DLG2: variants seen among roughly 807,000 people sequenced by gnomAD.
The protein encoded by DLG2 is disks large homolog 2.
In DLG2, 45 loss-of-function variants were observed where a neutral mutation model predicts 132.5. That is an observed-to-expected ratio of 0.34 (90% CI 0.27 to 0.44). The LOEUF (loss-of-function observed/expected upper bound fraction) is 0.44. DLG2 is among the 20% of genes least tolerant of loss of function. The probability of loss-of-function intolerance (pLI) is 1.00; values close to 1 mark genes in which losing one functional copy is unlikely to be tolerated. For missense variants in DLG2, 1,045 were observed against 1,196.9 expected, an observed-to-expected ratio of 0.87 and a Z score of 1.87; for synonymous variants, 424 against 419.6, an observed-to-expected ratio of 1.01 and a Z score of -0.13.
At chr11:83,700,831 T>C (rs1566600235) in intron 18 of DLG2, among the ~76,000 whole-genome samples, 1 of 152,276 alleles carries the variant, frequency 6.6e-6, no homozygotes, top group East Asian at 1.9e-4. Context: ...GAAAATTTAA[T>C]AATCAGATAC....
At chr11:85,179,202 T>C (rs564482783) in intron 4 of DLG2, among the ~76,000 whole-genome samples, 2 of 152,000 alleles carry the variant, frequency 1.3e-5, no homozygotes, top group South Asian at 4.1e-4. Context: ...GAGAAAATAA[T>C]TGCTGTCCTA....
At chr11:84,640,302 T>A in intron 6 of DLG2, 1 of 343,146 alleles carries the variant, frequency 2.9e-6, no homozygotes, top group Admixed American at 3.7e-5. Context: ...TGTCGTTATC[T>A]AGGAGAATGG....
At chr11:85,120,063 G>C (rs1025678191) in intron 5 of DLG2, among the ~76,000 whole-genome samples, 3 of 152,030 alleles carry the variant, frequency 2.0e-5, no homozygotes, top group Non-Finnish European at 2.9e-5. Context: ...TTTCTGAAAA[G>C]TACACATGGA....
intron 4 of DLG2, among the ~76,000 whole-genome samples, chr11:85,252,900 A>T (rs2076470801): frequency 6.6e-6 from 1 of 152,154 alleles, no homozygotes; most frequent in Non-Finnish European, 1.5e-5. Context: ...TAGCAATTAA[A>T]ACTAATTAAA....
At chr11:83,932,250 T>C (rs1292300412) in intron 14 of DLG2, among the ~76,000 whole-genome samples, 1 of 152,072 alleles carries the variant, frequency 6.6e-6, no homozygotes, top group African/African-American at 2.4e-5. Context: ...TTTTTTTTTT[T>C]TTTAGACGTA....
intron 6 of DLG2, among the ~76,000 whole-genome samples, chr11:84,831,247 G>C (rs2079022972): frequency 6.6e-6 from 1 of 151,510 alleles, no homozygotes; most frequent in Non-Finnish European, 1.5e-5. Context: ...GCAAGTGAGA[G>C]ATTAGACACG....
chr11:84,394,254 A>G (rs1434925730), intron 7 of DLG2, among the ~76,000 whole-genome samples: 1 of 151,654 alleles, frequency 6.6e-6, no homozygotes, highest in Non-Finnish European at 1.5e-5. Context: ...GATACATGGC[A>G]CTCTAGGATC....
intron 6 of DLG2, among the ~76,000 whole-genome samples, chr11:84,968,119 T>C (rs1693952200): frequency 6.6e-6 from 1 of 151,954 alleles, no homozygotes; most frequent in African/African-American, 2.4e-5. Flanking sequence ...TTCTAAATGT[T>C]CAAAAAAGGG....
intron 7 of DLG2, among the ~76,000 whole-genome samples, chr11:84,297,659 C>T (rs2098109085): frequency 6.6e-6 from 1 of 152,012 alleles, no homozygotes; most frequent in African/African-American, 2.4e-5. Flanking sequence ...GTATACAATA[C>T]ATCATCTCAT....
intron 7 of DLG2, among the ~76,000 whole-genome samples, chr11:84,388,451 G>C (rs2098780012): frequency 6.6e-6 from 1 of 152,074 alleles, no homozygotes; most frequent in South Asian, 2.1e-4. Context: ...TGTATGTTTT[G>C]TGATGATGTA....
intron 3 of DLG2, among the ~76,000 whole-genome samples, chr11:85,364,718 G>A (rs939778245): frequency 6.6e-6 from 1 of 152,172 alleles, no homozygotes; most frequent in Non-Finnish European, 1.5e-5. Flanking sequence ...AATATTCATT[G>A]TTACTGACTT....
chr11:84,580,347 C>G (rs1464033730), intron 6 of DLG2, among the ~76,000 whole-genome samples: 1 of 152,172 alleles, frequency 6.6e-6, no homozygotes, highest in Non-Finnish European at 1.5e-5. Context: ...AAACCAGTCT[C>G]CAAACAAATT....
At position 85,586,979 on chromosome 11, in the gene DLG2, T is replaced by C. The variant is rs188770935; in HGVS notation, c.40+11678A>G. Among the ~76,000 whole-genome samples the C allele has an allele frequency of 7.9e-5, 12 of 152,296 alleles. No homozygotes were observed. The East Asian group carries it at 1.7e-3, about 22-fold the overall frequency. ...CTAAAGATCATTCAGGGGCAGATTA[T>C]TGAATTTCCAAGTATTTGTATAGTT... On this transcript the variant is annotated intron_variant, in intron 3 of 27. Coordinates refer to ENST00000376104, the MANE Select transcript of DLG2 (RefSeq NM_001142699.3).
At chr11:84,934,684 C>T (rs547120319) in intron 6 of DLG2, among the ~76,000 whole-genome samples, 3 of 151,640 alleles carry the variant, frequency 2.0e-5, no homozygotes, top group South Asian at 2.1e-4. Flanking sequence ...TGGACACATA[C>T]GCCCTTCCAA....
chr11:85,475,349 A>G (rs1189392080), intron 3 of DLG2, among the ~76,000 whole-genome samples: 1 of 151,996 alleles, frequency 6.6e-6, no homozygotes, highest in Non-Finnish European at 1.5e-5. Context: ...AAATAGAAAA[A>G]AAATTAAATT....
intron 6 of DLG2, among the ~76,000 whole-genome samples, chr11:84,598,186 T>C (rs549948006): frequency 1.3e-5 from 2 of 152,318 alleles, no homozygotes; most frequent in South Asian, 4.1e-4. Flanking sequence ...TCATCCACTC[T>C]CATTTTACTG....
intron 3 of DLG2, among the ~76,000 whole-genome samples, chr11:85,294,859 T>C (rs1399119105): frequency 1.3e-5 from 2 of 152,136 alleles, no homozygotes; most frequent in Admixed American, 6.6e-5. Flanking sequence ...CTGATTCAAA[T>C]GGAAATTGTA....
At chr11:83,910,352 G>T (rs984119768) in intron 15 of DLG2, among the ~76,000 whole-genome samples, 1 of 152,044 alleles carries the variant, frequency 6.6e-6, no homozygotes, top group Non-Finnish European at 1.5e-5. Context: ...GAAAATATTC[G>T]ATTAATGGTC....
At chr11:85,069,375 A>G (rs2065437134) in intron 6 of DLG2, among the ~76,000 whole-genome samples, 1 of 152,032 alleles carries the variant, frequency 6.6e-6, no homozygotes, top group Non-Finnish European at 1.5e-5. Context: ...AACCTACAGA[A>G]TGGGAGAAAA....
Sources: gnomAD v4.1 joint callset for allele counts (sites outside exome capture counted in the v4.1 genomes callset) on GRCh38, gnomAD v4.1.1 for gene constraint, MANE v1.5 for transcripts, NCBI Gene and HGNC (gene_info 2026-07-23, HGNC 2026-07-21) for gene names.